Variants in CEP126 observed in about 807,000 individuals in gnomAD.
CEP126 encodes the protein centrosomal protein of 126 kDa.
A neutral mutation model predicts 107.8 loss-of-function variants in CEP126; 74 were observed. That is an observed-to-expected ratio of 0.69 (90% CI 0.57 to 0.83). The LOEUF is 0.83. Ranked by LOEUF, CEP126 falls within the 40% of genes least tolerant of loss-of-function variation. The pLI, the probability that CEP126 is intolerant of heterozygous loss-of-function variation, is 0.00. For synonymous variants in CEP126, 449 were observed against 446.0 expected, an observed-to-expected ratio of 1.01 and a Z score of -0.08; for missense variants, 1,237 against 1,281.9, an observed-to-expected ratio of 0.96 and a Z score of 0.53.
chr11:101,956,783 A>C, intron 4 of CEP126: 1 of 448,280 alleles, frequency 2.2e-6, no homozygotes, highest in Non-Finnish European at 4.5e-6. Context: ...CTTTCCCCCT[A>C]TTCTTCACTC....
chr11:101,962,536 AAAG>A lies in CEP126; in HGVS notation c.1509_1511del (p.Glu504del), dbSNP rs772481151. ...TAAGTTAGATGAATTGAAAGATGGT[AAAG>A]AAGAAGAGATAAAATATTTTAATTG... is the stretch of plus-strand genomic sequence containing the variant. On this transcript the variant is annotated inframe_deletion, in exon 6 of 11. Transcript: ENST00000263468. The A allele has an allele frequency of 1.9e-5, 31 of 1,593,716 alleles. No individual in the cohort carries two copies. The Admixed American group carries it at 3.5e-4, about 18-fold the overall frequency.
At position 101,944,296 on chromosome 11, in the gene CEP126, G is replaced by GA. The variant is rs773258012; in HGVS notation, c.285dup (p.Glu96ArgfsTer5). On this transcript the variant is annotated frameshift_variant, in exon 3 of 11. Coordinates refer to ENST00000263468, the MANE Select transcript of CEP126 (RefSeq NM_020802.4). LOFTEE classifies it high-confidence loss of function. Reference sequence around the variant, plus strand: ...TGAGGAGAAACGAAAAGAACAGGAAGAAAAAGAACACCAAATTAGAGAACA... The same window carrying GA: ...TGAGGAGAAACGAAAAGAACAGGAAGAAAAAAGAACACCAAATTAGAGAACA... 78 of 1,604,556 alleles carry GA rather than the reference G, an allele frequency of 4.9e-5. No individual in the cohort carries two copies. Among genetic ancestry groups the GA allele is most frequent in the Admixed American group, 1.0e-4 (6 of 58,106 alleles).
chr11:101,988,278 T>C (rs1185186868), intron 9 of CEP126, among the ~76,000 whole-genome samples: 3 of 152,096 alleles, frequency 2.0e-5, no homozygotes, highest in Non-Finnish European at 4.4e-5. Flanking sequence ...ATGTAAAATT[T>C]AGTAGGTGGT....
intron 1 of CEP126, among the ~76,000 whole-genome samples, chr11:101,920,505 CAAAT>C (rs1038076327): frequency 2.6e-5 from 4 of 151,586 alleles, no homozygotes; most frequent in South Asian, 2.1e-4. Context: ...CTAAAAAAGA[CAAAT>C]AGATATGCCC....
At chr11:101,996,535 T>G (rs1251725726) in intron 10 of CEP126, among the ~76,000 whole-genome samples, 1 of 152,208 alleles carries the variant, frequency 6.6e-6, no homozygotes, top group Non-Finnish European at 1.5e-5. Flanking sequence ...TTATAATGGC[T>G]TTGTTTTCCT....
chr11:101,928,412 G>C (rs1319383650), intron 2 of CEP126, among the ~76,000 whole-genome samples: 2 of 152,090 alleles, frequency 1.3e-5, no homozygotes, highest in African/African-American at 4.8e-5. Context: ...CTCTGCTTTT[G>C]ATGTAAAGTC....
chr11:101,938,171 A>AAAAAAAAAAAAC lies in CEP126; in HGVS notation c.249-6089_249-6088insAAAAAACAAAAA, dbSNP rs1307777067. Among the ~76,000 whole-genome samples the AAAAAAAAAAAAC allele has an allele frequency of 3.5e-3, 505 of 144,528 alleles. 15 individuals carry two copies. Among genetic ancestry groups the AAAAAAAAAAAAC allele is most frequent in the African/African-American group, 0.012 (471 of 39,232 alleles). The allele number at this position is 144,528 out of a possible 152,430, so 94.8% of individuals were successfully genotyped here. ...CGAGACTCTGTCTCAAAAAAAAAAAAAAAAATACAAGAAATTGGTCCATTT... is the reference window on the plus strand; with the variant it reads ...CGAGACTCTGTCTCAAAAAAAAAAAAAAAAAAAAAAACAAAAATACAAGAAATTGGTCCATTT... On this transcript the variant is annotated intron_variant, in intron 2 of 10. Coordinates refer to ENST00000263468, the MANE Select transcript of CEP126 (RefSeq NM_020802.4).
At position 102,001,013 on chromosome 11, in the gene CEP126, A is replaced by G. The variant is rs1048111735; in HGVS notation, c.*3370A>G. 7.9e-5 allele frequency: 12 copies of G among 152,200 alleles called. No homozygotes were observed. The highest frequency in any genetic ancestry group is 4.6e-4 in the Admixed American group (7 of 15,278). 9.4% of individuals were successfully genotyped at this position (152,200 alleles called of 1,614,324 possible). A position where few individuals can be genotyped will look rare whatever the true frequency, so the allele number is the denominator to read the frequency against. On this transcript the variant is annotated 3_prime_UTR_variant, in exon 11 of 11. Coordinates refer to ENST00000263468, the MANE Select transcript of CEP126 (RefSeq NM_020802.4). ...ATATTACATGGACTAAATTTTGTCA[A>G]TTTCATGTAATTTACCCTTTGCAAT... is the stretch of plus-strand genomic sequence containing the variant.
At chr11:101,978,250 T>G in intron 6 of CEP126, 97 bp from the exon 7 acceptor site, 1 of 747,622 alleles carries the variant, frequency 1.3e-6, no homozygotes, top group Non-Finnish European at 2.3e-6. Flanking sequence ...CTTACAGAGT[T>G]TTCTTGATAT....
At chr11:101,956,233 G>A (rs561423637) in intron 4 of CEP126, 82 of 456,332 alleles carry the variant, frequency 1.8e-4, no homozygotes, top group Non-Finnish European at 3.3e-4. Flanking sequence ...CCACTCTAAT[G>A]CCTACCCTTG....
At chr11:101,984,281 A>G (rs1388835673) in intron 8 of CEP126, among the ~76,000 whole-genome samples, 3 of 152,178 alleles carry the variant, frequency 2.0e-5, no homozygotes, top group Non-Finnish European at 4.4e-5. Context: ...TAAAGACACA[A>G]TTGTGCATTC....
chr11:101,958,693 T>C (rs745845515), intron 5 of CEP126, among the ~76,000 whole-genome samples: 2 of 152,222 alleles, frequency 1.3e-5, no homozygotes, highest in Non-Finnish European at 2.9e-5. Context: ...CTATCCCTAG[T>C]AGGGCATATA....
At chr11:101,979,116 G>A (rs985228700) in intron 7 of CEP126, among the ~76,000 whole-genome samples, 5 of 151,376 alleles carry the variant, frequency 3.3e-5, no homozygotes, top group African/African-American at 1.2e-4. Flanking sequence ...TGGGCAACAA[G>A]AGCAAGACTC....
chr11:101,979,904 T>C (rs750019480), intron 7 of CEP126, among the ~76,000 whole-genome samples: 2 of 152,204 alleles, frequency 1.3e-5, no homozygotes, highest in Admixed American at 6.5e-5. Context: ...GCATTTCACT[T>C]GGAATTTCCA....
chr11:101,921,744 T>G (rs1235021163), intron 1 of CEP126, among the ~76,000 whole-genome samples: 2 of 1,682 alleles, frequency 1.2e-3, no homozygotes, highest in Non-Finnish European at 3.4e-3. Flanking sequence ...TGAATGAAGA[T>G]ATACAGTCCT....
Position 101,986,937 on chromosome 11 carries a change from C to T in CEP126, c.3140C>T (p.Ser1047Leu). 1 of 1,613,634 alleles carries T rather than the reference C, an allele frequency of 6.2e-7. No individual in the cohort carries two copies. The highest frequency in any genetic ancestry group is 8.5e-7 in the Non-Finnish European group (1 of 1,179,750). The change falls in exon 9 of 11, where the codon TCA (serine) becomes TTA (leucine). Residue 1047 changes from serine to leucine, a missense_variant. Ser to Leu is a moderately radical substitution (Grantham distance 145, BLOSUM62 -2). This residue lies in a region of CEP126 where 99 missense variants were observed against 114.4 expected (regional missense o/e 0.87). Transcript: ENST00000263468. ...TVLNSKQIQK[S>L]NLPLNKTQQF... ...TTGAATAGCAAACAGATACAGAAAT[C>T]AAATCTACCTTTAAATAAAACTCAA...
intron 6 of CEP126, among the ~76,000 whole-genome samples, chr11:101,977,028 T>C (rs1206944826): frequency 6.6e-6 from 1 of 152,150 alleles, no homozygotes; most frequent in African/African-American, 2.4e-5. Flanking sequence ...AATATATACA[T>C]TAAGAACCTT....
intron 9 of CEP126, among the ~76,000 whole-genome samples, chr11:101,992,408 T>C (rs1941395701): frequency 6.6e-6 from 1 of 152,086 alleles, no homozygotes; most frequent in Admixed American, 6.5e-5. Flanking sequence ...CTCAATTTTT[T>C]ATGCCTCAAT....
intron 2 of CEP126, among the ~76,000 whole-genome samples, chr11:101,937,638 T>G (rs771051869): frequency 6.6e-6 from 1 of 152,212 alleles, no homozygotes; most frequent in Non-Finnish European, 1.5e-5. Flanking sequence ...TATGCTGGCC[T>G]TATAAAACAT....
Sources: allele counts gnomAD v4.1 joint callset (sites outside exome capture counted in the v4.1 genomes callset), GRCh38; gene constraint gnomAD v4.1.1; regional missense constraint gnomAD v4.1.1; transcripts MANE v1.5; gene names NCBI Gene and HGNC (gene_info 2026-07-23, HGNC 2026-07-21).